Variants in IQGAP3 observed in about 807,000 individuals in gnomAD.
IQGAP3 encodes IQ motif containing GTPase activating protein 3, also known as ras GTPase-activating-like protein IQGAP3.
IQGAP3 carries 165 observed loss-of-function variants against 208.2 expected under a neutral mutation model. The observed-to-expected ratio is 0.79, with a 90% confidence interval of 0.70 to 0.90. The LOEUF is 0.90. Ranked by LOEUF, IQGAP3 falls within the 40% of genes least tolerant of loss-of-function variation. The pLI is 0.00. For missense variants in IQGAP3, 1,811 were observed against 2,043.1 expected, an observed-to-expected ratio of 0.89 and a Z score of 2.19; for synonymous variants, 703 against 803.6, an observed-to-expected ratio of 0.87 and a Z score of 2.12.
Position 156,539,884 on chromosome 1 carries a change from T to G in IQGAP3, c.2846A>C (p.Lys949Thr). The change falls in exon 24 of 38, where the codon AAA (lysine) becomes ACA (threonine). Residue 949 changes from lysine (K) to threonine (T), a missense_variant. Physicochemically the swap from Lys to Thr is moderately conservative, Grantham distance 78. Transcript: ENST00000361170. ...TTGGTATGCTTCTAGTTTCTGCCGT[T>G]TCTCTTTGCTCAGCGACTTTAAACC... ...QKGLKSLSKE[K>T]RQKLEAYQHL... 2 of 1,614,174 alleles carry G rather than the reference T, an allele frequency of 1.2e-6. No homozygotes were observed. Among genetic ancestry groups the G allele is most frequent in the South Asian group, 2.2e-5 (2 of 91,086 alleles).
intron 13 of IQGAP3, among the ~76,000 whole-genome samples, chr1:156,553,472 C>T (rs1675661849): frequency 6.6e-6 from 1 of 152,152 alleles, no homozygotes; most frequent in Non-Finnish European, 1.5e-5. Context: ...GCAAAGAGAT[C>T]TACATTATGT....
At chr1:156,550,007 TCACA>T (rs1675469291) in intron 16 of IQGAP3, among the ~76,000 whole-genome samples, 1 of 152,008 alleles carries the variant, frequency 6.6e-6, no homozygotes, top group African/African-American at 2.4e-5. Context: ...GGGAAAGTGT[TCACA>T]GGAAGGCATA....
intron 8 of IQGAP3, 82 bp from the exon 9 acceptor site, chr1:156,562,747 T>C: frequency 8.0e-7 from 1 of 1,243,152 alleles, no homozygotes; most frequent in Non-Finnish European, 1.2e-6. Flanking sequence ...GCTACACTTA[T>C]TTCTTCTTCT....
rs1382180839 is a variant in IQGAP3, at chr1:156,569,587, T to C, written c.38-124A>G. The C allele has an allele frequency of 5.0e-5, 22 of 438,374 alleles. 1 individual carries two copies. The highest frequency in any genetic ancestry group is 3.9e-4 in the Admixed American group (10 of 25,884). The allele number at this position is 438,374 out of a possible 1,614,324, so 27.2% of individuals were successfully genotyped here. Reference sequence around the variant, plus strand: ...AGGCTGGAGTGCAGTGGCCCAATCTTGGCTCACTGCAAGCTCCGCCTCCCG... The same window carrying C: ...AGGCTGGAGTGCAGTGGCCCAATCTCGGCTCACTGCAAGCTCCGCCTCCCG... On this transcript the variant is annotated intron_variant, in intron 1 of 37. Transcript: ENST00000361170.
chr1:156,541,857 C>T (rs1174125885), intron 22 of IQGAP3, among the ~76,000 whole-genome samples: 1 of 152,154 alleles, frequency 6.6e-6, no homozygotes, highest in Non-Finnish European at 1.5e-5. Context: ...AAGTGGGTTG[C>T]CCAACCCCAC....
chr1:156,530,812 T>C (rs74116868), intron 33 of IQGAP3, among the ~76,000 whole-genome samples: 14,430 of 152,170 alleles, frequency 0.095, 804 homozygotes, highest in African/African-American at 0.14. Context: ...CCTACTACCT[T>C]CTCCTGCCTC....
Position 156,539,556 on chromosome 1 carries a change from A to C in IQGAP3, c.2893-19T>G. ...GCTGAGTCTGCAAGCAAGAGGGGAG[A>C]CAGGAATGGCTGACCATGCACTTCA... On this transcript the variant is annotated intron_variant, in intron 24 of 37. Coordinates refer to ENST00000361170, the MANE Select transcript of IQGAP3 (RefSeq NM_178229.5). 3 of 1,613,584 alleles carry C rather than the reference A, an allele frequency of 1.9e-6. No individual in the cohort carries two copies. The highest frequency in any genetic ancestry group is 2.5e-6 in the Non-Finnish European group (3 of 1,179,610).
intron 16 of IQGAP3, 103 bp from the exon 17 acceptor site, chr1:156,548,851 A>C: frequency 3.4e-6 from 4 of 1,188,390 alleles, no homozygotes; most frequent in Non-Finnish European, 4.5e-6. Flanking sequence ...AGGACACAAA[A>C]TCACCCTTCT....
chr1:156,557,598 T>A (rs1675900620), intron 11 of IQGAP3, among the ~76,000 whole-genome samples: 1 of 68,202 alleles, frequency 1.5e-5, no homozygotes, highest in Non-Finnish European at 3.2e-5. Flanking sequence ...AGCCGCCCCA[T>A]CCGGGAGGGA....
At chr1:156,556,760 A>G in intron 11 of IQGAP3, 67 bp from the exon 12 acceptor site, 1 of 1,384,608 alleles carries the variant, frequency 7.2e-7, no homozygotes. Context: ...TCTCCTCACC[A>G]ACTAGGCTCC....
rs1393224692 is a variant in IQGAP3 at position 156,525,756 on chromosome 1, G to GAAAAAAAAAAAAA, written c.*729_*730insTTTTTTTTTTTTT. 1 of 71,112 alleles carries GAAAAAAAAAAAAA rather than the reference G, an allele frequency of 1.4e-5. No homozygotes were observed. 4.4% of individuals were successfully genotyped at this position (71,112 alleles called of 1,614,324 possible). On this transcript the variant is annotated 3_prime_UTR_variant, in exon 38 of 38. Transcript: ENST00000361170. Reference sequence around the variant, plus strand: ...AAAAAAAAAAAAAAAAAAAAAAAATGAAAGCGTTAAAACCCTGATTAAGTC... The same window carrying GAAAAAAAAAAAAA: ...AAAAAAAAAAAAAAAAAAAAAAAATGAAAAAAAAAAAAAAAAGCGTTAAAACCCTGATTAAGTC...
chr1:156,556,268 C>G (rs1675816884), intron 12 of IQGAP3, among the ~76,000 whole-genome samples: 2 of 152,252 alleles, frequency 1.3e-5, no homozygotes, highest in South Asian at 4.1e-4. Context: ...TGACTTAACT[C>G]TGCATCTCAG....
chr1:156,564,761 C>G, intron 4 of IQGAP3, 70 bp from the exon 5 acceptor site: 1 of 1,094,644 alleles, frequency 9.1e-7, no homozygotes, highest in Non-Finnish European at 1.4e-6. Context: ...AGAGGGGGTG[C>G]CGAGGAATGG....
chr1:156,539,161 A>C, intron 25 of IQGAP3, 128 bp from the exon 26 acceptor site: 1 of 877,878 alleles, frequency 1.1e-6, no homozygotes, highest in Admixed American at 2.1e-5. Flanking sequence ...ATGTCTTGAT[A>C]TCTCTCTCAT....
chr1:156,545,881 T>C (rs1312675314), intron 19 of IQGAP3, among the ~76,000 whole-genome samples: 1 of 152,104 alleles, frequency 6.6e-6, no homozygotes. Context: ...TTGTCTCAGT[T>C]TGGTAAGACT....
At chr1:156,543,124 A>C (rs1571328879) in intron 22 of IQGAP3, among the ~76,000 whole-genome samples, 1 of 152,304 alleles carries the variant, frequency 6.6e-6, no homozygotes, top group East Asian at 1.9e-4. Context: ...AAGAAAAAGA[A>C]GATAAAGAAT....
chr1:156,547,145 C>T (rs911795235), intron 19 of IQGAP3, among the ~76,000 whole-genome samples: 12 of 152,186 alleles, frequency 7.9e-5, no homozygotes, highest in Non-Finnish European at 1.5e-4. Flanking sequence ...CTCTGGCTAT[C>T]TTCCCTACCA....
rs375563768 is a variant in IQGAP3, at chr1:156,531,270, G to C, written c.4104-23C>G. The C allele has an allele frequency of 1.3e-5, 21 of 1,596,142 alleles. No individual in the cohort carries two copies. The Middle Eastern group carries it at 8.3e-4, about 63-fold the overall frequency. ...GTGCTGCACAAGGAGGACAGTGACA[G>C]AGGAGAGGTAAGGGGCAGGGGAAGG... On this transcript the variant is annotated intron_variant, in intron 32 of 37. Transcript: ENST00000361170.
chr1:156,535,062 ATGGCATAGGATTTTTT>A, intron 28 of IQGAP3, 85 bp downstream of exon 28: 1 of 904,204 alleles, frequency 1.1e-6, no homozygotes, highest in East Asian at 2.5e-5. Flanking sequence ...TTGGATTTTT[ATGGCATAGGATTTTTT>A]GTGTTTTTGT....
Sources: gnomAD v4.1 joint callset for allele counts (sites outside exome capture counted in the v4.1 genomes callset) on GRCh38, gnomAD v4.1.1 for gene constraint, MANE v1.5 for transcripts, NCBI Gene and HGNC (gene_info 2026-07-23, HGNC 2026-07-21) for gene names.